SPATA6: variants seen among roughly 807,000 people sequenced by gnomAD.
SPATA6 encodes the protein spermatogenesis associated 6.
SPATA6 carries 56 observed loss-of-function variants against 65.3 expected under a neutral mutation model. The ratio of observed to expected loss-of-function variants is 0.86; its 90% CI spans 0.69 to 1.07. The LOEUF is 1.07. Ranked by LOEUF, SPATA6 falls within the 50% of genes least tolerant of loss-of-function variation. The pLI, the probability that SPATA6 is intolerant of heterozygous loss-of-function variation, is 0.00. For synonymous variants in SPATA6, 199 were observed against 213.2 expected (o/e 0.93, Z 0.58); for missense variants, 590 against 594.8 (o/e 0.99, Z 0.08).
intron 9 of SPATA6, 89 bp downstream of exon 9, chr1:48,385,220 T>A (rs1649334923): frequency 3.6e-6 from 4 of 1,099,130 alleles, no homozygotes; most frequent in African/African-American, 1.6e-5. Context: ...AATTTGATAA[T>A]CCCTATCTGA....
At chr1:48,440,978 A>G (rs1309934458) in intron 3 of SPATA6, among the ~76,000 whole-genome samples, 1 of 152,178 alleles carries the variant, frequency 6.6e-6, no homozygotes, top group African/African-American at 2.4e-5. Context: ...TTCAGAGAGG[A>G]CAGAAAATGG....
the SPATA6 span, among the ~76,000 whole-genome samples, chr1:48,264,264 T>C: frequency 3.3e-5 from 5 of 152,168 alleles, no homozygotes; most frequent in Non-Finnish European, 7.4e-5. Context: ...AAATTTAAAT[T>C]CTATTATAAG....
At chr1:48,312,081 G>C (rs1341545617) in intron 11 of SPATA6, among the ~76,000 whole-genome samples, 1 of 152,190 alleles carries the variant, frequency 6.6e-6, no homozygotes, top group Admixed American at 6.5e-5. Context: ...CTCAAACTCG[G>C]TGGAGCCCAC....
At chr1:48,261,908 A>C in the SPATA6 span, among the ~76,000 whole-genome samples, 1 of 152,116 alleles carries the variant, frequency 6.6e-6, no homozygotes, top group Non-Finnish European at 1.5e-5. Context: ...CACATCCTTT[A>C]GAATCATGAA....
the SPATA6 span, among the ~76,000 whole-genome samples, chr1:48,278,689 A>T: frequency 6.6e-6 from 1 of 152,200 alleles, no homozygotes; most frequent in Non-Finnish European, 1.5e-5. Flanking sequence ...ATGTGAAAAG[A>T]CCGAATCTAC....
At chr1:48,373,605 G>A (rs543540197) in intron 9 of SPATA6, among the ~76,000 whole-genome samples, 2 of 152,214 alleles carry the variant, frequency 1.3e-5, no homozygotes, top group African/African-American at 2.4e-5. Context: ...ACAATTTACT[G>A]TATTAATCTG....
intron 11 of SPATA6, among the ~76,000 whole-genome samples, chr1:48,335,262 C>A (rs1646028136): frequency 6.8e-6 from 1 of 146,090 alleles, no homozygotes; most frequent in African/African-American, 2.5e-5. Context: ...TGAAAATTTT[C>A]AAATAATTAG....
At chr1:48,330,204 G>A (rs1645876420) in intron 11 of SPATA6, among the ~76,000 whole-genome samples, 1 of 152,142 alleles carries the variant, frequency 6.6e-6, no homozygotes, top group African/African-American at 2.4e-5. Flanking sequence ...TTACTAGAGT[G>A]TCCAGCCCAG....
chr1:48,435,021 T>C (rs1570565721), intron 3 of SPATA6, among the ~76,000 whole-genome samples: 2 of 151,286 alleles, frequency 1.3e-5, no homozygotes, highest in South Asian at 4.2e-4. Flanking sequence ...ATAATACATA[T>C]AGTTAATATA....
intron 3 of SPATA6, among the ~76,000 whole-genome samples, chr1:48,414,746 T>C (rs1652599328): frequency 6.6e-6 from 1 of 152,180 alleles, no homozygotes; most frequent in Admixed American, 6.5e-5. Flanking sequence ...CACAGTTCTA[T>C]TCACTCAGTA....
chr1:48,311,464 AC>A (rs1203633950), intron 11 of SPATA6, among the ~76,000 whole-genome samples: 3 of 152,204 alleles, frequency 2.0e-5, no homozygotes, highest in Admixed American at 2.0e-4. Context: ...AAATAAAAGA[AC>A]AAATTACTAG....
chr1:48,448,077 T>G (rs1331333992), intron 3 of SPATA6: 1 of 151,774 alleles, frequency 6.6e-6, no homozygotes, highest in Non-Finnish European at 1.5e-5. Flanking sequence ...CTGGGCAAAA[T>G]GGTAAAACCC....
At chr1:48,391,338 G>A (rs1043913513) in intron 8 of SPATA6, among the ~76,000 whole-genome samples, 5 of 150,988 alleles carry the variant, frequency 3.3e-5, no homozygotes, top group Admixed American at 2.0e-4. Context: ...GTTACACCAC[G>A]CCCACCAGCC....
intron 10 of SPATA6, 32 bp from the exon 11 acceptor site, chr1:48,355,801 A>G: frequency 6.5e-7 from 1 of 1,545,372 alleles, no homozygotes; most frequent in Non-Finnish European, 8.9e-7. Context: ...TATTTTTGTT[A>G]CTAAAATCAG....
chr1:48,397,171 G>A (rs760445359), intron 7 of SPATA6, among the ~76,000 whole-genome samples: 2 of 151,650 alleles, frequency 1.3e-5, no homozygotes, highest in Non-Finnish European at 3.0e-5. Context: ...CATAGAGACA[G>A]AAAGCAGATT....
At chr1:48,446,695 G>T (rs1424058093) in intron 3 of SPATA6, among the ~76,000 whole-genome samples, 3 of 152,090 alleles carry the variant, frequency 2.0e-5, no homozygotes, top group African/African-American at 7.2e-5. Context: ...TGATATTAAT[G>T]AAAGAAGAAA....
intron 11 of SPATA6, among the ~76,000 whole-genome samples, chr1:48,328,969 C>A (rs539428641): frequency 6.6e-6 from 1 of 152,190 alleles, no homozygotes; most frequent in South Asian, 2.1e-4. Context: ...CAGAATGCTT[C>A]CCTCTATATT....
At chr1:48,352,581 G>A (rs1326723374) in intron 11 of SPATA6, among the ~76,000 whole-genome samples, 2 of 151,974 alleles carry the variant, frequency 1.3e-5, no homozygotes, top group Admixed American at 6.6e-5. Context: ...AGATACATAT[G>A]AGACACATTT....
intron 9 of SPATA6, among the ~76,000 whole-genome samples, chr1:48,369,221 T>C (rs2148852052): frequency 6.6e-6 from 1 of 152,300 alleles, no homozygotes; most frequent in South Asian, 2.1e-4. Flanking sequence ...TGCCTCCCAG[T>C]TAGGCTGCTC....
Sources: gnomAD v4.1 joint callset for allele counts (sites outside exome capture counted in the v4.1 genomes callset) on GRCh38, gnomAD v4.1.1 for gene constraint, MANE v1.5 for transcripts, NCBI Gene and HGNC (gene_info 2026-07-23, HGNC 2026-07-21) for gene names.